Variants in KRT12 observed in about 807,000 individuals in gnomAD.
KRT12 encodes keratin 12.
KRT12 carries 43 observed loss-of-function variants against 50.2 expected under a neutral mutation model. The ratio of observed to expected loss-of-function variants is 0.86; its 90% CI spans 0.67 to 1.11. The LOEUF is 1.11. Ranked by LOEUF, KRT12 falls within the 50% of genes least tolerant of loss-of-function variation. The pLI, the probability that KRT12 is intolerant of heterozygous loss-of-function variation, is 0.00. For synonymous variants in KRT12, 257 were observed against 253.6 expected (o/e 1.01, Z -0.13); for missense variants, 588 against 625.6 (o/e 0.94, Z 0.64).
intron 2 of KRT12, 142 bp from the exon 3 acceptor site, chr17:40,865,104 TTG>T: frequency 1.1e-6 from 1 of 920,958 alleles, no homozygotes; most frequent in Admixed American, 2.1e-5. Context: ...GTTTTTGCTG[TTG>T]TGTTTTTCCT....
chr17:40,863,869 G>A lies in KRT12; in HGVS notation c.808-5C>T, dbSNP rs1906906658. The stretch of plus-strand genomic sequence containing the variant: ...CACCCGGAAGCTTTGGAGCTCCTGG[G>A]GACAGCATGTGAGAGAGAGGGGCAC... On this transcript the variant is annotated splice_polypyrimidine_tract_variant and splice_region_variant and intron_variant, in intron 3 of 7. Coordinates refer to ENST00000251643, the MANE Select transcript of KRT12 (RefSeq NM_000223.4). The surrounding 1 kb of genome is among the most constrained non-coding windows in gnomAD (Gnocchi z 4.2). The A allele has an allele frequency of 6.3e-7, 1 of 1,594,244 alleles. No homozygotes were observed. Among genetic ancestry groups the A allele is most frequent in the Non-Finnish European group, 8.5e-7 (1 of 1,172,640 alleles).
Position 40,863,169 on chromosome 17 carries a change from G to C in KRT12, c.1270C>G (p.Leu424Val). ...RLLNVKARLE[L>V]EIETYRRLLD... The stretch of plus-strand genomic sequence containing the variant: ...AGGCGGCGGTAGGTCTCAATCTCCA[G>C]CTCCAGGCGGGCCTTGACATTCAGC... The change falls in exon 6 of 8, where the codon CTG becomes GTG. Residue 424 changes from leucine to valine, a missense_variant. By Grantham distance (32) the Leu-to-Val change is conservative (BLOSUM62 1). Coordinates refer to ENST00000251643, the MANE Select transcript of KRT12 (RefSeq NM_000223.4). This position sits in a 1 kb window ranked among gnomAD's most constrained non-coding sequence, Gnocchi z 4.2. 2 of 1,614,146 alleles carry C rather than the reference G, an allele frequency of 1.2e-6. No individual in the cohort carries two copies. Among genetic ancestry groups the C allele is most frequent in the Non-Finnish European group, 1.7e-6 (2 of 1,180,016 alleles).
Position 40,863,110 on chromosome 17 carries a change from G to A in KRT12, c.1316+13C>T, listed in dbSNP as rs1029658455. On this transcript the variant is annotated intron_variant, in intron 6 of 7. Coordinates refer to ENST00000251643, the MANE Select transcript of KRT12 (RefSeq NM_000223.4). The surrounding 1 kb of genome is among the most constrained non-coding windows in gnomAD (Gnocchi z 4.2). ...GCCCCTGAAGGTGTTTACAGCCTCC[G>A]TTGTCTGCTCACCCTTGGGCCTCCC... The A allele has an allele frequency of 8.7e-6, 14 of 1,612,540 alleles. No homozygotes were observed. In the Admixed American group the frequency reaches 1.3e-4, roughly 15 times the overall value.
intron 6 of KRT12, 59 bp from the exon 7 acceptor site, chr17:40,862,694 G>T: frequency 1.7e-6 from 2 of 1,188,158 alleles, no homozygotes; most frequent in Non-Finnish European, 1.3e-6. Flanking sequence ...TTTAATGGAA[G>T]ATCTGGTCTG....
Position 40,863,223 on chromosome 17 carries a change from C to G in KRT12, c.1216G>C (p.Glu406Gln). The change falls in exon 6 of 8, where the codon GAG becomes CAG. Residue 406 changes from glutamate (E) to glutamine (Q), a missense_variant. Transcript: ENST00000251643. The surrounding 1 kb of genome is among the most constrained non-coding windows in gnomAD (Gnocchi z 4.2). ...AQLLQVRADA[E>Q]RQNVDHQRLL... ...CGCTGGTGGTCCACGTTCTGGCGCTCTGCGTCCGCGCGCACCTGGAGCAGC... is the reference window on the plus strand; with the variant it reads ...CGCTGGTGGTCCACGTTCTGGCGCTGTGCGTCCGCGCGCACCTGGAGCAGC... 6.2e-7 allele frequency: 1 copy of G among 1,614,010 alleles called. No homozygotes were observed.
At position 40,863,727 on chromosome 17, in the gene KRT12, G is replaced by A; in HGVS notation, c.945C>T (p.Asp315=). 1 of 1,613,788 alleles carries A rather than the reference G, an allele frequency of 6.2e-7. No individual in the cohort carries two copies. The highest frequency in any genetic ancestry group is 8.5e-7 in the Non-Finnish European group (1 of 1,180,042). Residue 315 remains aspartate (D), a synonymous_variant, in exon 4 of 8, where the codon GAC becomes GAT. Transcript: ENST00000251643. The surrounding 1 kb of genome is among the most constrained non-coding windows in gnomAD (Gnocchi z 4.2). ...CCTTTTCAATGAACCAGGCTTCAGC[G>A]TCCTTCCGATTCTGCTCAGCGATGG... ...YETIAEQNRK[D]AEAWFIEKSG...
rs775479919 is a variant in KRT12 at position 40,866,893 on chromosome 17, C to T, written c.294G>A (p.Gly98=). The change falls in exon 1 of 8, where the codon GGG becomes GGA. Residue 98 remains glycine (G), a synonymous_variant. Coordinates refer to ENST00000251643, the MANE Select transcript of KRT12 (RefSeq NM_000223.4). The part of the protein sequence containing the change: ...ALGGGSFGGL[G]MGFGGSPGGG... The stretch of plus-strand genomic sequence containing the variant: ...CTCCTGGGCTGCCCCCAAATCCCAT[C>T]CCCAGCCCTCCAAAGCTACCTCCAC... 25 of 1,614,036 alleles carry T rather than the reference C, an allele frequency of 1.5e-5. No individual in the cohort carries two copies. In the East Asian group the frequency reaches 5.3e-4, roughly 35 times the overall value.
chr17:40,866,342 T>C, intron 1 of KRT12, 105 bp from the exon 2 acceptor site: 1 of 897,916 alleles, frequency 1.1e-6, no homozygotes, highest in Non-Finnish European at 1.8e-6. Context: ...AAATGCTGTT[T>C]TATTTAGAGT....
Position 40,864,871 on chromosome 17 carries a change from CGGTCCT to C in KRT12, c.736_741del (p.Arg246_Thr247del), listed in dbSNP as rs771341292. ...AGGCTCTCGATCTGCATCTCCAGGTCGGTCCTGGTCAGGGTCAGCTCGTCCAGCACC... is the reference window on the plus strand; with the variant it reads ...AGGCTCTCGATCTGCATCTCCAGGTCGGTCAGGGTCAGCTCGTCCAGCACC... On this transcript the variant is annotated inframe_deletion, in exon 3 of 8. Coordinates refer to ENST00000251643, the MANE Select transcript of KRT12 (RefSeq NM_000223.4). 9 of 1,614,104 alleles carry C rather than the reference CGGTCCT, an allele frequency of 5.6e-6. No homozygotes were observed.
Position 40,861,367 on chromosome 17 carries a change from A to T in KRT12, c.*294T>A. On this transcript the variant is annotated 3_prime_UTR_variant, in exon 8 of 8. Transcript: ENST00000251643. ...AATACTACTTGATTAAAGCTCTATG[A>T]TTAAAAAATATTCCGGGTTACCAGA... The T allele has an allele frequency of 2.3e-6, 1 of 434,342 alleles. No homozygotes were observed. 26.9% of individuals were successfully genotyped at this position (434,342 alleles called of 1,614,324 possible). A position where few individuals can be genotyped will look rare whatever the true frequency, so the allele number is the denominator to read the frequency against.
chr17:40,861,470 C>A lies in KRT12; in HGVS notation c.*191G>T. ...GATTTGTTACAAAGACCAACATGAC[C>A]AAAATGACTTGTGACTGAATATTGT... is the stretch of plus-strand genomic sequence containing the variant. On this transcript the variant is annotated 3_prime_UTR_variant, in exon 8 of 8. Coordinates refer to ENST00000251643, the MANE Select transcript of KRT12 (RefSeq NM_000223.4). 1.6e-6 allele frequency: 1 copy of A among 607,478 alleles called. No individual in the cohort carries two copies. Among genetic ancestry groups the A allele is most frequent in the Non-Finnish European group, 2.9e-6 (1 of 339,638 alleles). The allele number at this position is 607,478 out of a possible 1,614,324, so 37.6% of individuals were successfully genotyped here.
chr17:40,862,520 A>G (rs1906840341), intron 7 of KRT12, 45 bp downstream of exon 7: 2 of 1,329,132 alleles, frequency 1.5e-6, no homozygotes, highest in African/African-American at 1.4e-5. Context: ...GCATTAATAA[A>G]TGTGATTCCG....
Position 40,866,867 on chromosome 17 carries a change from C to T in KRT12, c.320G>A (p.Gly107Asp). 2 of 1,614,178 alleles carry T rather than the reference C, an allele frequency of 1.2e-6. No homozygotes were observed. Among genetic ancestry groups the T allele is most frequent in the Non-Finnish European group, 1.7e-6 (2 of 1,180,034 alleles). ...LGMGFGGSPG[G>D]GSLGILSGND... ...GCCCGAGAGAATACCTAGAGAGCCA[C>T]CTCCTGGGCTGCCCCCAAATCCCAT... Residue 107 changes from glycine (G) to aspartate (D), a missense_variant, in exon 1 of 8, where the codon GGT (glycine) becomes GAT (aspartate). Transcript: ENST00000251643.
chr17:40,863,411 G>C lies in KRT12; in HGVS notation c.1096-68C>G. ...GACCGAAAAGAGGAGGGTAGCCAAC[G>C]GCTAATGTAATTTGGATGCAGCATT... On this transcript the variant is annotated intron_variant, in intron 5 of 7. Coordinates refer to ENST00000251643, the MANE Select transcript of KRT12 (RefSeq NM_000223.4). The surrounding 1 kb of genome is among the most constrained non-coding windows in gnomAD (Gnocchi z 4.2). The C allele has an allele frequency of 6.2e-7, 1 of 1,613,686 alleles. No individual in the cohort carries two copies. Among genetic ancestry groups the C allele is most frequent in the South Asian group, 1.1e-5 (1 of 91,064 alleles).
rs1906859392 is a variant in KRT12, at chr17:40,863,071, C to T, written c.1316+52G>A. ...AACCCCATTCCTTCTATTTCTGCTG[C>T]CCACTCTTGGTCAGCCCCTGAAGGT... On this transcript the variant is annotated intron_variant, in intron 6 of 7. Transcript: ENST00000251643. This position sits in a 1 kb window ranked among gnomAD's most constrained non-coding sequence, Gnocchi z 4.2. The T allele has an allele frequency of 6.8e-7, 1 of 1,461,934 alleles. No homozygotes were observed. The highest frequency in any genetic ancestry group is 1.7e-5 in the Admixed American group (1 of 59,784). The allele number at this position is 1,461,934 out of a possible 1,614,324, so 90.6% of individuals were successfully genotyped here.
Position 40,862,561 on chromosome 17 carries a change from A to T in KRT12, c.1387+4T>A, listed in dbSNP as rs779706793. 1 of 1,606,930 alleles carries T rather than the reference A, an allele frequency of 6.2e-7. No individual in the cohort carries two copies. On this transcript the variant is annotated splice_donor_region_variant and intron_variant, in intron 7 of 7. Transcript: ENST00000251643. ...TTCTAAGTGATTCTAGGGTTTCTGC[A>T]TACCTTTAGAGGAATCAGTTGACTG...
chr17:40,863,612 T>G lies in KRT12; in HGVS notation c.970-2A>C, dbSNP rs777920173. 1 of 1,614,244 alleles carries G rather than the reference T, an allele frequency of 6.2e-7. No homozygotes were observed. The highest frequency in any genetic ancestry group is 8.5e-7 in the Non-Finnish European group (1 of 1,180,034). On this transcript the variant is annotated splice_acceptor_variant, in intron 4 of 7. Coordinates refer to ENST00000251643, the MANE Select transcript of KRT12 (RefSeq NM_000223.4). LOFTEE classifies it high-confidence loss of function. The surrounding 1 kb of genome is among the most constrained non-coding windows in gnomAD (Gnocchi z 4.2). ...AATCTCCTTACGGAGCTCCCCGCTC[T>G]GCAACAGCAAAGACAGCCAGGGGGC...
Position 40,863,373 on chromosome 17 carries a change from T to C in KRT12, c.1096-30A>G. 6.2e-7 allele frequency: 1 copy of C among 1,613,534 alleles called. No individual in the cohort carries two copies. The highest frequency in any genetic ancestry group is 8.5e-7 in the Non-Finnish European group (1 of 1,179,582). On this transcript the variant is annotated intron_variant, in intron 5 of 7. Coordinates refer to ENST00000251643, the MANE Select transcript of KRT12 (RefSeq NM_000223.4). The surrounding 1 kb of genome is among the most constrained non-coding windows in gnomAD (Gnocchi z 4.2). ...ACGTGGGAGGGAAATGGCATAGAAA[T>C]AACGATGGAGGGGACCGAAAAGAGG...
chr17:40,867,141 CG>C lies in KRT12; in HGVS notation c.45del (p.Gly16AspfsTer11), dbSNP rs1467509920. 1 of 1,611,618 alleles carries C rather than the reference CG, an allele frequency of 6.2e-7. No homozygotes were observed. Among genetic ancestry groups the C allele is most frequent in the African/African-American group, 1.3e-5 (1 of 74,906 alleles). ...NNTMSLSVRT[P>X]GLSRRLSSQS... ...TGCGAGGAGAGCCGCCGGGACAGTC[CG>C]GGGGTGCGCACTGAGAGTGACATGG... is the stretch of plus-strand genomic sequence containing the variant. On this transcript the variant is annotated frameshift_variant, in exon 1 of 8. Transcript: ENST00000251643. LOFTEE classifies it high-confidence loss of function.
Sources: gnomAD v4.1 joint callset for allele counts on GRCh38, gnomAD v4.1.1 for gene constraint, Gnocchi (gnomAD v3.1) non-coding constraint, MANE v1.5 for transcripts, NCBI Gene and HGNC (gene_info 2026-07-23, HGNC 2026-07-21) for gene names.